The following FKBP15 variants were observed in gnomAD, a reference collection of about 807,000 sequenced individuals.
The protein encoded by FKBP15 is FK506-binding protein 15.
In FKBP15, 106 loss-of-function variants were observed where a neutral mutation model predicts 158.1. The ratio of observed to expected loss-of-function variants is 0.67; its 90% CI spans 0.57 to 0.79. FKBP15 has a LOEUF of 0.79. FKBP15 is among the 30% of genes least tolerant of loss of function. The pLI is 0.00. For synonymous variants in FKBP15, 547 were observed against 548.6 expected, an observed-to-expected ratio of 1.00 and a Z score of 0.04; for missense variants, 1,287 against 1,479.1, an observed-to-expected ratio of 0.87 and a Z score of 2.13.
At chr9:113,197,965 C>G (rs776703512) in intron 8 of FKBP15, among the ~76,000 whole-genome samples, 1 of 152,186 alleles carries the variant, frequency 6.6e-6, no homozygotes, top group Non-Finnish European at 1.5e-5. Flanking sequence ...ATGGAGAGAA[C>G]CTTTTTGCCA....
At chr9:113,216,066 C>T (rs137980322) in intron 1 of FKBP15, among the ~76,000 whole-genome samples, 1 of 116,222 alleles carries the variant, frequency 8.6e-6, no homozygotes, top group African/African-American at 3.5e-5. Flanking sequence ...CGGGGTTGGA[C>T]ACAACCTTTA....
chr9:113,204,594 T>G (rs1830854057), intron 4 of FKBP15, among the ~76,000 whole-genome samples: 1 of 152,238 alleles, frequency 6.6e-6, no homozygotes, highest in Non-Finnish European at 1.5e-5. Context: ...CTACTGTCTT[T>G]GGATTCCAAT....
At chr9:113,182,937 C>G in intron 18 of FKBP15, 69 bp from the exon 19 acceptor site, 1 of 1,213,098 alleles carries the variant, frequency 8.2e-7, no homozygotes, top group South Asian at 1.2e-5. Flanking sequence ...CAACCCAATG[C>G]CCATTCTGTC....
chr9:113,212,648 A>T (rs1320707759), intron 1 of FKBP15, among the ~76,000 whole-genome samples: 3 of 152,198 alleles, frequency 2.0e-5, no homozygotes, highest in African/African-American at 4.8e-5. Context: ...ATATCAATAA[A>T]TACTAATGCA....
In FKBP15 at chr9:113,163,038, A is replaced by C; in HGVS notation, c.*3040T>G. ...CCTCCACCTTATTCCCAGCCCCTGG[A>C]AACTTTGAGCTGAAGCCAGCACTTG... On this transcript the variant is annotated 3_prime_UTR_variant, in exon 28 of 28. Transcript: ENST00000238256. The C allele has an allele frequency of 3.9e-6, 4 of 1,022,158 alleles. No individual in the cohort carries two copies. Among genetic ancestry groups the C allele is most frequent in the Non-Finnish European group, 5.4e-6 (4 of 739,800 alleles). 63.3% of individuals were successfully genotyped at this position (1,022,158 alleles called of 1,614,324 possible).
chr9:113,168,643 G>A (rs1830140086), intron 26 of FKBP15, 87 bp from the exon 27 acceptor site: 1 of 1,155,260 alleles, frequency 8.7e-7, no homozygotes, highest in East Asian at 2.4e-5. Context: ...CGGCCCTTGG[G>A]TAAGAATTCA....
chr9:113,166,550 G>A (rs1469421520), intron 27 of FKBP15, among the ~76,000 whole-genome samples: 3 of 152,226 alleles, frequency 2.0e-5, no homozygotes, highest in Non-Finnish European at 4.4e-5. Flanking sequence ...GAGAGGAAGT[G>A]GGAAGAAGGG....
At position 113,171,698 on chromosome 9, in the gene FKBP15, G is replaced by T; in HGVS notation, c.2541C>A (p.Ala847=). ...KLVQLQEKCL[A]LQAQITALTK... ...TGAGAGCTGTGATTTGGGCCTGGAG[G>T]GCTAAACACTGCAAAACAAACAGAC... is the stretch of plus-strand genomic sequence containing the variant. The change falls in exon 24 of 28, where the codon GCC becomes GCA. Residue 847 remains alanine, a synonymous_variant. Transcript: ENST00000238256. The T allele has an allele frequency of 6.3e-7, 1 of 1,590,466 alleles. No homozygotes were observed.
intron 11 of FKBP15, among the ~76,000 whole-genome samples, chr9:113,191,633 A>T (rs1830577123): frequency 6.8e-6 from 1 of 147,776 alleles, no homozygotes; most frequent in South Asian, 2.1e-4. Flanking sequence ...ATTCTGCATT[A>T]TATATATATA....
chr9:113,195,301 G>C (rs1239420352), intron 9 of FKBP15, among the ~76,000 whole-genome samples: 1 of 152,148 alleles, frequency 6.6e-6, no homozygotes, highest in Non-Finnish European at 1.5e-5. Flanking sequence ...GCCACATGGG[G>C]TATGATTCTC....
chr9:113,176,466 G>A, intron 21 of FKBP15, 71 bp downstream of exon 21: 4 of 1,475,498 alleles, frequency 2.7e-6, no homozygotes, highest in South Asian at 1.3e-5. Flanking sequence ...ACATACTATT[G>A]TAATTTGTAA....
intron 22 of FKBP15, 43 bp from the exon 23 acceptor site, chr9:113,173,648 G>T: frequency 6.3e-7 from 1 of 1,589,728 alleles, no homozygotes; most frequent in Non-Finnish European, 8.6e-7. Flanking sequence ...TGGGGGTGGG[G>T]GAGTGAGATT....
At position 113,184,803 on chromosome 9, in the gene FKBP15, T is replaced by C; in HGVS notation, c.1500A>G (p.Gly500=). The C allele has an allele frequency of 6.3e-7, 1 of 1,590,500 alleles. No individual in the cohort carries two copies. Among genetic ancestry groups the C allele is most frequent in the African/African-American group, 1.3e-5 (1 of 74,792 alleles). Residue 500 remains glycine, a splice_region_variant and synonymous_variant, in exon 16 of 28, where the codon GGA becomes GGG. Transcript: ENST00000238256. This position sits in a 1 kb window ranked among gnomAD's most constrained non-coding sequence, Gnocchi z 4.5. ...APLSQPPHFQ[G]SGDMASFLMT... ...TGAGAAATGAAGCCATATCACCTGATCCTAAACAGATACAAGCCAAAAAGA... is the reference window on the plus strand; with the variant it reads ...TGAGAAATGAAGCCATATCACCTGACCCTAAACAGATACAAGCCAAAAAGA...
At chr9:113,190,735 A>G (rs894532105) in intron 11 of FKBP15, among the ~76,000 whole-genome samples, 157 bp from the exon 12 acceptor site, 1 of 152,258 alleles carries the variant, frequency 6.6e-6, no homozygotes, top group Non-Finnish European at 1.5e-5. Flanking sequence ...GATTTCTTGC[A>G]TAGAAGTATA....
At chr9:113,195,964 A>G (rs1830670088) in intron 9 of FKBP15, among the ~76,000 whole-genome samples, 3 of 152,170 alleles carry the variant, frequency 2.0e-5, no homozygotes, top group African/African-American at 7.2e-5. Context: ...ATGTGTGTAT[A>G]CACATACATG....
At chr9:113,183,341 T>C (rs1182612542) in intron 18 of FKBP15, among the ~76,000 whole-genome samples, 2 of 150,996 alleles carry the variant, frequency 1.3e-5, no homozygotes, top group Non-Finnish European at 2.9e-5. Context: ...AAGTACAAAA[T>C]CCTTAGGTCT....
Position 113,184,877 on chromosome 9 carries a change from C to T in FKBP15, c.1499-73G>A. ...AAACTGTATGAAGAAAAGCTAGTAG[C>T]TCTTCCAGTAAAGAAAGAAATTAAT... On this transcript the variant is annotated intron_variant, in intron 15 of 27. Transcript: ENST00000238256. The surrounding 1 kb of genome is among the most constrained non-coding windows in gnomAD (Gnocchi z 4.5). 8.6e-7 allele frequency: 1 copy of T among 1,158,372 alleles called. No homozygotes were observed. Among genetic ancestry groups the T allele is most frequent in the East Asian group, 2.6e-5 (1 of 39,142 alleles). The allele number at this position is 1,158,372 out of a possible 1,614,324, so 71.8% of individuals were successfully genotyped here.
At position 113,174,525 on chromosome 9, in the gene FKBP15, A is replaced by G. The variant is rs1401477132; in HGVS notation, c.2282T>C (p.Ile761Thr). The change falls in exon 22 of 28, where the codon ATA (isoleucine) becomes ACA (threonine). Residue 761 changes from isoleucine (I) to threonine (T), a missense_variant. Ile to Thr is a moderately conservative substitution (Grantham distance 89). Coordinates refer to ENST00000238256, the MANE Select transcript of FKBP15 (RefSeq NM_015258.2). ...CTGGTATGACTTGCGAATTTCATCT[A>G]TCTCCTCCTCGGCCTGAGAACGCTC... The part of the protein sequence containing the change: ...AQERSQAEEE[I>T]DEIRKSYQEE... The G allele has an allele frequency of 9.9e-6, 16 of 1,613,886 alleles. No homozygotes were observed. Among genetic ancestry groups the G allele is most frequent in the East Asian group, 2.2e-5 (1 of 44,866 alleles).
chr9:113,161,822 T>A lies in FKBP15; in HGVS notation c.*4256A>T. ...GCGAGGCCCAGGGAAGGACCAGGAC[T>A]TGCCAAAGTGGCTACACATAGCCAA... On this transcript the variant is annotated 3_prime_UTR_variant, in exon 28 of 28. Transcript: ENST00000238256. 1 of 1,090,136 alleles carries A rather than the reference T, an allele frequency of 9.2e-7. No homozygotes were observed. Among genetic ancestry groups the A allele is most frequent in the Non-Finnish European group, 1.4e-6 (1 of 730,494 alleles). 67.5% of individuals were successfully genotyped at this position (1,090,136 alleles called of 1,614,324 possible).
Sources: allele counts gnomAD v4.1 joint callset (sites outside exome capture counted in the v4.1 genomes callset), GRCh38; gene constraint gnomAD v4.1.1; non-coding constraint Gnocchi (gnomAD v3.1); transcripts MANE v1.5; gene names NCBI Gene and HGNC (gene_info 2026-07-23, HGNC 2026-07-21).